The following THEM4 variants were observed in gnomAD, a reference collection of about 807,000 sequenced individuals.
THEM4 encodes acyl-coenzyme A thioesterase THEM4.
Under a neutral mutation model 25.0 loss-of-function variants are expected in THEM4, and 22 were observed. The observed-to-expected ratio is 0.88, with a 90% CI of 0.63 to 1.26. The LOEUF (loss-of-function observed/expected upper bound fraction) is 1.26. Ranked by LOEUF, THEM4 falls within the 50% of genes most tolerant of loss-of-function variation. The probability of loss-of-function intolerance (pLI) is 0.00; values close to 1 mark genes in which losing one functional copy is unlikely to be tolerated. For missense variants in THEM4, 286 were observed against 300.3 expected (o/e 0.95, Z 0.35); for synonymous variants, 113 against 105.6 (o/e 1.07, Z -0.43).
Position 151,871,041 on chromosome 1 carries a change from C to T in THEM4, c.*3847G>A, listed in dbSNP as rs1268533897. Among the ~76,000 whole-genome samples the T allele has an allele frequency of 1.3e-5, 2 of 151,996 alleles. No individual in the cohort carries two copies. Among genetic ancestry groups the T allele is most frequent in the African/African-American group, 2.4e-5 (1 of 41,398 alleles). On this transcript the variant is annotated 3_prime_UTR_variant, in exon 6 of 6. Coordinates refer to ENST00000368814, the MANE Select transcript of THEM4 (RefSeq NM_053055.5). Reference sequence around the variant, plus strand: ...TTAGCACTTGGTATAAAGAAGGAAACAGGTTGAGCAAGGTGGCTCATGCCT... The same window carrying T: ...TTAGCACTTGGTATAAAGAAGGAAATAGGTTGAGCAAGGTGGCTCATGCCT...
At chr1:151,907,435 T>C (rs370232763) in intron 1 of THEM4, among the ~76,000 whole-genome samples, 4 of 152,338 alleles carry the variant, frequency 2.6e-5, no homozygotes, top group African/African-American at 9.6e-5. Context: ...TTAATTGCCT[T>C]TGTGCTGCCT....
intron 4 of THEM4, among the ~76,000 whole-genome samples, chr1:151,877,914 T>C (rs1653725332): frequency 1.3e-5 from 2 of 152,202 alleles, no homozygotes; most frequent in Non-Finnish European, 2.9e-5. Context: ...GAAACGTGTT[T>C]CGTGCTCCTA....
intron 5 of THEM4, among the ~76,000 whole-genome samples, chr1:151,875,686 A>G (rs935177500): frequency 6.6e-6 from 1 of 152,234 alleles, no homozygotes; most frequent in Non-Finnish European, 1.5e-5. Flanking sequence ...CACACAGGTA[A>G]TCAGAGAAAT....
rs59314058 is a variant in THEM4, at chr1:151,871,737, A to T, written c.*3151T>A. Among the ~76,000 whole-genome samples, 3,271 of 151,950 alleles carry T rather than the reference A, an allele frequency of 0.022. 132 individuals are homozygous for T. The highest frequency in any genetic ancestry group is 0.073 in the African/African-American group (3,001 of 41,182). ...AGTGGATACGAAGGGAGGCAGGCAT[A>T]CTTAACATGAAGAAAACCTGGTCAT... On this transcript the variant is annotated 3_prime_UTR_variant, in exon 6 of 6. Transcript: ENST00000368814.
intron 1 of THEM4, among the ~76,000 whole-genome samples, chr1:151,903,455 T>TA (rs1271583467): frequency 2.6e-5 from 4 of 152,252 alleles, no homozygotes; most frequent in Non-Finnish European, 4.4e-5. Flanking sequence ...ATTAAACTGA[T>TA]ATACTATATA....
intron 4 of THEM4, among the ~76,000 whole-genome samples, chr1:151,886,600 A>G (rs1653976254): frequency 6.6e-6 from 1 of 152,188 alleles, no homozygotes; most frequent in Non-Finnish European, 1.5e-5. Context: ...TATAACTAAT[A>G]TGAAATATTG....
rs774125409 is a variant in THEM4 at position 151,874,930 on chromosome 1, TAAAC to T, written c.683-6_683-3del. ...CAGGATTCAGCTTTATAAATAAGCC[TAAAC>T]AAACAAAATAACAGCAGATGATTAT... On this transcript the variant is annotated splice_region_variant and splice_polypyrimidine_tract_variant and intron_variant, in intron 5 of 5. Transcript: ENST00000368814. The T allele has an allele frequency of 6.2e-7, 1 of 1,612,726 alleles. No individual in the cohort carries two copies. The highest frequency in any genetic ancestry group is 1.7e-5 in the Admixed American group (1 of 60,002).
chr1:151,905,146 C>G (rs1572084555), intron 1 of THEM4, among the ~76,000 whole-genome samples: 1 of 152,192 alleles, frequency 6.6e-6, no homozygotes, highest in South Asian at 2.1e-4. Context: ...GTAAAAAGAG[C>G]TCCCCAGAGA....
chr1:151,881,877 C>T (rs1407399853), intron 4 of THEM4, among the ~76,000 whole-genome samples: 5 of 152,118 alleles, frequency 3.3e-5, no homozygotes, highest in Admixed American at 6.6e-5. Flanking sequence ...TATGCTGACC[C>T]ATTATTTCCT....
chr1:151,873,574 T>A lies in THEM4; in HGVS notation c.*1314A>T, dbSNP rs1042134713. ...TCCTCCCAAAAAAGGTATGTTGTGG[T>A]CCTAATCTCCAATACCTCATAAGGT... On this transcript the variant is annotated 3_prime_UTR_variant, in exon 6 of 6. Transcript: ENST00000368814. 6.6e-6 allele frequency: 1 copy of A among 152,220 alleles called. No homozygotes were observed. The highest frequency in any genetic ancestry group is 2.1e-4 in the South Asian group (1 of 4,824). 9.4% of individuals were successfully genotyped at this position (152,220 alleles called of 1,614,324 possible). A position where few individuals can be genotyped will look rare whatever the true frequency, so the allele number is the denominator to read the frequency against.
At chr1:151,879,541 G>A (rs7545863) in intron 4 of THEM4, among the ~76,000 whole-genome samples, 134,631 of 152,032 alleles carry the variant, frequency 0.89, 59,778 homozygotes, top group East Asian at 0.92. Flanking sequence ...TGTGTGCTGG[G>A]AAAAAGAAAG....
rs982867920 is a variant in THEM4, at chr1:151,885,711, G to T, written c.557+2562C>A. Among the ~76,000 whole-genome samples the T allele has an allele frequency of 3.3e-5, 5 of 152,204 alleles. No individual in the cohort carries two copies. In the South Asian group the frequency reaches 8.3e-4, roughly 25 times the overall value. ...GCTGAGATATTTACCCTTTCAGCTG[G>T]CTTGTCATCACTAGTTTGACCTGCT... On this transcript the variant is annotated intron_variant, in intron 4 of 5. Transcript: ENST00000368814.
chr1:151,884,327 T>C (rs968234033), intron 4 of THEM4, among the ~76,000 whole-genome samples: 4 of 152,216 alleles, frequency 2.6e-5, no homozygotes, highest in Non-Finnish European at 4.4e-5. Flanking sequence ...TTCTTTTAAA[T>C]TCTTGCAGTG....
chr1:151,906,946 G>A (rs1340347268), intron 1 of THEM4, among the ~76,000 whole-genome samples: 1 of 152,126 alleles, frequency 6.6e-6, no homozygotes. Context: ...GAGAATAAAA[G>A]CAGGCTGCCC....
At position 151,872,367 on chromosome 1, in the gene THEM4, G is replaced by T. The variant is rs1653573062; in HGVS notation, c.*2521C>A. On this transcript the variant is annotated 3_prime_UTR_variant, in exon 6 of 6. Transcript: ENST00000368814. ...GAACCATAGGAAATTGTCAATATTT[G>T]ACCATTCTGTTCTTCGAAATAGTGA... Among the ~76,000 whole-genome samples the T allele has an allele frequency of 1.3e-5, 2 of 152,170 alleles. No homozygotes were observed. Among genetic ancestry groups the T allele is most frequent in the Admixed American group, 1.3e-4 (2 of 15,272 alleles).
intron 4 of THEM4, among the ~76,000 whole-genome samples, chr1:151,881,574 G>C (rs1051429021): frequency 6.6e-6 from 1 of 152,126 alleles, no homozygotes; most frequent in African/African-American, 2.4e-5. Flanking sequence ...TTGAACTTTA[G>C]CTTTGCTGAG....
At chr1:151,909,122 C>T (rs1572086670) in intron 1 of THEM4, among the ~76,000 whole-genome samples, 2 of 152,210 alleles carry the variant, frequency 1.3e-5, no homozygotes, top group East Asian at 3.8e-4. Flanking sequence ...TAGCGCCCTG[C>T]CGACCCTGTC....
chr1:151,887,974 C>T (rs971554413), intron 4 of THEM4, among the ~76,000 whole-genome samples: 3 of 152,198 alleles, frequency 2.0e-5, no homozygotes, highest in South Asian at 2.1e-4. Flanking sequence ...CCAATACATG[C>T]GAGAGTATAA....
chr1:151,894,105 C>A (rs573947204), intron 2 of THEM4, among the ~76,000 whole-genome samples: 1 of 152,076 alleles, frequency 6.6e-6, no homozygotes, highest in Non-Finnish European at 1.5e-5. Context: ...TCAAGTGATC[C>A]GCCCGCTTCA....
Sources: gnomAD v4.1 joint callset for allele counts (sites outside exome capture counted in the v4.1 genomes callset) on GRCh38, gnomAD v4.1.1 for gene constraint, MANE v1.5 for transcripts, NCBI Gene and HGNC (gene_info 2026-07-23, HGNC 2026-07-21) for gene names.